Variants in CDC27 observed in about 807,000 individuals in gnomAD.
CDC27 encodes the protein cell division cycle 27.
In CDC27, 27 loss-of-function variants were observed where a neutral mutation model predicts 109.7. That is an observed-to-expected ratio of 0.25 (90% confidence interval 0.18 to 0.34). The LOEUF is 0.34. Ranked by LOEUF, CDC27 falls within the 10% of genes least tolerant of loss-of-function variation. The pLI, the probability that CDC27 is intolerant of heterozygous loss-of-function variation, is 1.00. For synonymous variants in CDC27, 266 were observed against 333.9 expected (o/e 0.80, Z 2.22); for missense variants, 579 against 960.2 (o/e 0.60, Z 5.25).
chr17:47,144,477 T>G (rs906035148), intron 9 of CDC27, among the ~76,000 whole-genome samples: 2 of 152,236 alleles, frequency 1.3e-5, no homozygotes, highest in East Asian at 3.8e-4. Context: ...TGGGCAAAGA[T>G]AGTCTAAATG....
At chr17:47,171,783 A>G in intron 3 of CDC27, 134 bp downstream of exon 3, 1 of 614,780 alleles carries the variant, frequency 1.6e-6, no homozygotes. Context: ...GCAACAGTGT[A>G]AACATTTCGA....
chr17:47,122,964 GCCT>G (rs1459531202), intron 17 of CDC27, among the ~76,000 whole-genome samples: 2 of 152,136 alleles, frequency 1.3e-5, no homozygotes, highest in Non-Finnish European at 2.9e-5. Flanking sequence ...ACCGCGCCCA[GCCT>G]CTACAATTCT....
chr17:47,177,264 T>C (rs1007575785), intron 2 of CDC27, among the ~76,000 whole-genome samples: 2 of 151,876 alleles, frequency 1.3e-5, no homozygotes, highest in African/African-American at 4.8e-5. Context: ...TAAAAAAAAA[T>C]GTTTAAAAAG....
chr17:47,125,245 T>TC (rs1423736910), intron 16 of CDC27, among the ~76,000 whole-genome samples: 1 of 121,156 alleles, frequency 8.3e-6, no homozygotes, highest in South Asian at 3.1e-4. Context: ...CTTTTTTTTT[T>TC]TTTTTTTTTT....
At chr17:47,140,687 A>T (rs1365498990) in intron 12 of CDC27, among the ~76,000 whole-genome samples, 1 of 152,236 alleles carries the variant, frequency 6.6e-6, no homozygotes, top group Non-Finnish European at 1.5e-5. Flanking sequence ...ATAATTTTTT[A>T]AATGGCTTTT....
At chr17:47,127,340 A>G (rs2062174177) in intron 16 of CDC27, among the ~76,000 whole-genome samples, 1 of 152,228 alleles carries the variant, frequency 6.6e-6, no homozygotes, top group Non-Finnish European at 1.5e-5. Flanking sequence ...AAGATAGAAT[A>G]AAACTAAAGG....
intron 12 of CDC27, 125 bp from the exon 13 acceptor site, chr17:47,139,016 T>C (rs1364043017): frequency 1.6e-6 from 1 of 617,504 alleles, no homozygotes; most frequent in Non-Finnish European, 2.7e-6. Flanking sequence ...TTTATGTGAA[T>C]GAGTATTAAC....
intron 12 of CDC27, among the ~76,000 whole-genome samples, chr17:47,140,208 G>A (rs1388162671): frequency 6.6e-6 from 1 of 152,114 alleles, no homozygotes; most frequent in Non-Finnish European, 1.5e-5. Context: ...GACCTGCAGG[G>A]CTCAAGTGAT....
At chr17:47,124,433 G>C (rs1178653424) in intron 16 of CDC27, among the ~76,000 whole-genome samples, 1 of 152,048 alleles carries the variant, frequency 6.6e-6, no homozygotes, top group African/African-American at 2.4e-5. Flanking sequence ...ACAGGCATGC[G>C]CCACCACACC....
At chr17:47,188,349 T>C (rs1287073890) in intron 1 of CDC27, among the ~76,000 whole-genome samples, 2 of 152,128 alleles carry the variant, frequency 1.3e-5, no homozygotes, top group East Asian at 1.9e-4. Flanking sequence ...TAAAATCCAA[T>C]AGGGTTCCTT....
At chr17:47,184,939 A>T (rs1405979445) in intron 1 of CDC27, among the ~76,000 whole-genome samples, 2 of 152,190 alleles carry the variant, frequency 1.3e-5, no homozygotes, top group Admixed American at 1.3e-4. Context: ...AATGCTGCTA[A>T]AAGAAAGTTA....
intron 15 of CDC27, among the ~76,000 whole-genome samples, chr17:47,130,815 T>C (rs1414727589): frequency 1.3e-5 from 2 of 150,646 alleles, no homozygotes; most frequent in Admixed American, 1.3e-4. Flanking sequence ...AGGTGGAGGT[T>C]GTGGTAAGCT....
chr17:47,189,058 A>G (rs2064569338), intron 1 of CDC27, 88 bp downstream of exon 1: 1 of 1,521,736 alleles, frequency 6.6e-7, no homozygotes, highest in African/African-American at 1.4e-5. Context: ...AGCCGGGCCT[A>G]GGCCGCACCA....
intron 3 of CDC27, chr17:47,170,363 A>AGG (rs2063778223): frequency 6.1e-6 from 1 of 163,506 alleles, no homozygotes; most frequent in South Asian, 2.0e-4. Context: ...ACACCCAGCT[A>AGG]ATTTTTAATT....
chr17:47,155,983 C>T (rs2063291533), intron 7 of CDC27, among the ~76,000 whole-genome samples: 1 of 152,132 alleles, frequency 6.6e-6, no homozygotes, highest in Non-Finnish European at 1.5e-5. Context: ...CAAATTTCCT[C>T]CATGTTTTGG....
chr17:47,121,295 C>T (rs1177795427), intron 18 of CDC27, among the ~76,000 whole-genome samples: 1 of 151,978 alleles, frequency 6.6e-6, no homozygotes, highest in Admixed American at 6.6e-5. Context: ...TTACAACTAG[C>T]TAGTTCTCTG....
intron 1 of CDC27, among the ~76,000 whole-genome samples, chr17:47,188,028 A>C (rs900619986): frequency 6.6e-6 from 1 of 152,254 alleles, no homozygotes; most frequent in African/African-American, 2.4e-5. Flanking sequence ...CCAAACTAGA[A>C]GAAATGAGTA....
chr17:47,128,184 C>T (rs2062206771), intron 16 of CDC27, among the ~76,000 whole-genome samples: 1 of 151,992 alleles, frequency 6.6e-6, no homozygotes, highest in African/African-American at 2.4e-5. Flanking sequence ...GTGCACACCA[C>T]CATGCCTGGC....
At chr17:47,149,858 G>A (rs1424955355) in intron 9 of CDC27, among the ~76,000 whole-genome samples, 1 of 152,176 alleles carries the variant, frequency 6.6e-6, no homozygotes, top group Non-Finnish European at 1.5e-5. Context: ...GGGAGGCTGA[G>A]GCAGTAGCAT....
Sources: allele counts gnomAD v4.1 joint callset (sites outside exome capture counted in the v4.1 genomes callset), GRCh38; gene constraint gnomAD v4.1.1; transcripts MANE v1.5; gene names NCBI Gene and HGNC (gene_info 2026-07-23, HGNC 2026-07-21).